PTPRD: variants seen among roughly 807,000 people sequenced by gnomAD.
PTPRD encodes the protein receptor-type tyrosine-protein phosphatase delta.
Under a neutral mutation model 214.5 loss-of-function variants are expected in PTPRD, and 34 were observed. The ratio of observed to expected loss-of-function variants is 0.16; its 90% confidence interval spans 0.12 to 0.21. The LOEUF (loss-of-function observed/expected upper bound fraction) is 0.21. Among genes scored for constraint, PTPRD ranks in the 10% least tolerant of loss-of-function variants. The pLI is 1.00. For missense variants in PTPRD, 2,545 were observed against 2,398.7 expected (o/e 1.06, Z -1.27); for synonymous variants, 1,128 against 845.7 (o/e 1.33, Z -5.79).
intron 5 of PTPRD, among the ~76,000 whole-genome samples, chr9:9,808,736 C>A (rs376520189): frequency 1.3e-5 from 2 of 152,158 alleles, no homozygotes; most frequent in South Asian, 2.1e-4. Context: ...AGAGACCCAA[C>A]TTTCATCTCC....
intron 7 of PTPRD, among the ~76,000 whole-genome samples, chr9:9,603,978 C>A (rs1422788199): frequency 1.3e-5 from 2 of 151,920 alleles, no homozygotes; most frequent in Non-Finnish European, 2.9e-5. Context: ...AGAAATACAA[C>A]TCATTAAAAT....
chr9:8,805,858 G>T (rs1025666677), intron 11 of PTPRD, among the ~76,000 whole-genome samples: 1 of 150,722 alleles, frequency 6.6e-6, no homozygotes, highest in African/African-American at 2.4e-5. Flanking sequence ...AGCCGGGCAT[G>T]GTGGTGGACA....
intron 11 of PTPRD, among the ~76,000 whole-genome samples, chr9:8,907,533 A>AAATAT (rs3046919): frequency 0.011 from 1,287 of 118,036 alleles, 41 homozygotes; most frequent in African/African-American, 0.041. Context: ...AAAAAAAAAA[A>AAATAT]ATATATATAT....
intron 2 of PTPRD, among the ~76,000 whole-genome samples, chr9:10,355,805 A>G (rs188598231): frequency 2.0e-5 from 3 of 152,242 alleles, no homozygotes; most frequent in East Asian, 3.9e-4. Context: ...CTTTAAATAT[A>G]TACTTAAAAC....
chr9:9,452,543 C>G lies in PTPRD; in HGVS notation c.-236-55061G>C, dbSNP rs141928211. On this transcript the variant is annotated intron_variant, in intron 8 of 45. Transcript: ENST00000381196. ...AAATAAATAAGAAGTAAAGAAAAACCACAGAAGTTGGCTTAACTTATGAGA... is the reference window on the plus strand; with the variant it reads ...AAATAAATAAGAAGTAAAGAAAAACGACAGAAGTTGGCTTAACTTATGAGA... Among the ~76,000 whole-genome samples, 29 of 150,860 alleles carry G rather than the reference C, an allele frequency of 1.9e-4. No individual in the cohort carries two copies. The East Asian group carries it at 5.5e-3, about 29-fold the overall frequency.
chr9:9,523,526 T>G (rs568107440), intron 8 of PTPRD, among the ~76,000 whole-genome samples: 2 of 152,310 alleles, frequency 1.3e-5, no homozygotes, highest in South Asian at 2.1e-4. Flanking sequence ...TCCTGTTCTA[T>G]CTATCTCTTT....
intron 11 of PTPRD, among the ~76,000 whole-genome samples, chr9:8,844,559 C>A (rs1279699610): frequency 2.0e-5 from 3 of 152,106 alleles, no homozygotes; most frequent in African/African-American, 7.2e-5. Context: ...TAAAAAATTT[C>A]TCATAGAAAC....
chr9:10,077,414 AT>A (rs1411547555), intron 3 of PTPRD, among the ~76,000 whole-genome samples: 1 of 152,144 alleles, frequency 6.6e-6, no homozygotes, highest in East Asian at 1.9e-4. Context: ...TACTTTTCAA[AT>A]TTACCTCTAG....
intron 8 of PTPRD, among the ~76,000 whole-genome samples, chr9:9,402,748 A>G (rs1464829055): frequency 3.3e-5 from 5 of 151,658 alleles, no homozygotes; most frequent in African/African-American, 1.2e-4. Context: ...AAAAAAAGAC[A>G]ATTTTCAGTG....
intron 4 of PTPRD, among the ~76,000 whole-genome samples, chr9:10,028,627 G>C (rs1463008337): frequency 6.6e-6 from 1 of 152,144 alleles, no homozygotes; most frequent in African/African-American, 2.4e-5. Flanking sequence ...TTACCAAAGA[G>C]ACTGGCAGCA....
intron 9 of PTPRD, among the ~76,000 whole-genome samples, chr9:9,232,227 G>T (rs1461810704): frequency 6.6e-6 from 1 of 152,158 alleles, no homozygotes; most frequent in African/African-American, 2.4e-5. Context: ...AGGTTTAGAA[G>T]AGTTGCATAA....
In PTPRD at chr9:10,166,370, G is replaced by C. The variant is rs190285855; in HGVS notation, c.-544-132580C>G. Reference sequence around the variant, plus strand: ...GCACTTGCTTTTTTCTGATGCCAATGCTGATTTTTTTTTGTTTGTTTACTT... The same window carrying C: ...GCACTTGCTTTTTTCTGATGCCAATCCTGATTTTTTTTTGTTTGTTTACTT... On this transcript the variant is annotated intron_variant, in intron 3 of 45. Transcript: ENST00000381196. Among the ~76,000 whole-genome samples, 6 of 147,488 alleles carry C rather than the reference G, an allele frequency of 4.1e-5. No homozygotes were observed. In the East Asian group the frequency reaches 1.3e-3, roughly 31 times the overall value.
At chr9:8,768,730 T>G (rs553794282) in intron 11 of PTPRD, among the ~76,000 whole-genome samples, 1 of 152,186 alleles carries the variant, frequency 6.6e-6, no homozygotes, top group East Asian at 1.9e-4. Context: ...AATGATTCCA[T>G]AAAGATATAG....
intron 13 of PTPRD, among the ~76,000 whole-genome samples, chr9:8,636,092 C>T (rs2096423642): frequency 6.6e-6 from 1 of 152,172 alleles, no homozygotes; most frequent in Admixed American, 6.5e-5. Context: ...CATTCTAGTT[C>T]ACACTACTTG....
At chr9:10,456,629 G>A (rs2098919572) in intron 2 of PTPRD, among the ~76,000 whole-genome samples, 1 of 151,866 alleles carries the variant, frequency 6.6e-6, no homozygotes, top group Non-Finnish European at 1.5e-5. Flanking sequence ...AGTAAGGCAG[G>A]CTTTGATGCA....
intron 8 of PTPRD, among the ~76,000 whole-genome samples, chr9:9,560,462 G>T (rs549450151): frequency 2.6e-5 from 4 of 152,214 alleles, no homozygotes; most frequent in Non-Finnish European, 5.9e-5. Flanking sequence ...GTGCACCTCA[G>T]GTGCTTCAGC....
intron 12 of PTPRD, among the ~76,000 whole-genome samples, chr9:8,654,255 T>C (rs1157937206): frequency 1.3e-5 from 2 of 152,174 alleles, no homozygotes; most frequent in Non-Finnish European, 2.9e-5. Flanking sequence ...AACTACCCCC[T>C]ACTTGGTACT....
At chr9:8,738,723 A>G (rs964418393) in intron 11 of PTPRD, among the ~76,000 whole-genome samples, 1 of 152,124 alleles carries the variant, frequency 6.6e-6, no homozygotes, top group Non-Finnish European at 1.5e-5. Context: ...TAGAGAACCA[A>G]ATCATTACTC....
intron 11 of PTPRD, among the ~76,000 whole-genome samples, chr9:8,880,225 G>A (rs2098432401): frequency 6.6e-6 from 1 of 152,116 alleles, no homozygotes; most frequent in African/African-American, 2.4e-5. Context: ...GATATAAGCT[G>A]GGAGGGTAGC....
Sources: allele counts gnomAD v4.1 joint callset (sites outside exome capture counted in the v4.1 genomes callset), GRCh38; gene constraint gnomAD v4.1.1; transcripts MANE v1.5; gene names NCBI Gene and HGNC (gene_info 2026-07-23, HGNC 2026-07-21).